Variants in TJP1 observed in about 807,000 individuals in gnomAD.
TJP1 encodes tight junction protein ZO-1.
TJP1 carries 43 observed loss-of-function variants against 194.2 expected under a neutral mutation model. That is an observed-to-expected ratio of 0.22 (90% CI 0.17 to 0.29). TJP1 has a LOEUF of 0.29. TJP1 is among the 10% of genes least tolerant of loss of function. TJP1 has a pLI of 1.00. For synonymous variants in TJP1, 801 were observed against 779.0 expected (o/e 1.03, Z -0.47); for missense variants, 1,971 against 2,185.7 (o/e 0.90, Z 1.96).
chr15:29,760,730 A>C (rs1293876150), intron 8 of TJP1, among the ~76,000 whole-genome samples: 1 of 152,176 alleles, frequency 6.6e-6, no homozygotes, highest in Non-Finnish European at 1.5e-5. Context: ...TGTGTTTATT[A>C]AAGGACTTCT....
chr15:29,800,770 A>G (rs1595939987), intron 1 of TJP1, 68 bp from the exon 2 acceptor site: 2 of 1,489,810 alleles, frequency 1.3e-6, no homozygotes, highest in Non-Finnish European at 1.9e-6. Context: ...GTGAGCAAGA[A>G]CATCCAACAA....
At chr15:29,871,968 A>T in intron 2 of TJP1, among the ~76,000 whole-genome samples, 1 of 152,250 alleles carries the variant, frequency 6.6e-6, no homozygotes, top group East Asian at 1.9e-4. Context: ...AAATACTTCC[A>T]TATTTTCTGA....
chr15:29,876,567 C>T (rs1416742322), intron 2 of TJP1, among the ~76,000 whole-genome samples: 1 of 151,568 alleles, frequency 6.6e-6, no homozygotes, highest in Non-Finnish European at 1.5e-5. Flanking sequence ...TTTAGCTCAT[C>T]AGCTATCATT....
At chr15:29,773,551 TA>T (rs1414896663) in intron 2 of TJP1, among the ~76,000 whole-genome samples, 194 bp from the exon 3 acceptor site, 2 of 152,194 alleles carry the variant, frequency 1.3e-5, no homozygotes, top group African/African-American at 4.8e-5. Context: ...CTACTGGACA[TA>T]ACAGAATATT....
chr15:29,949,610 TTCACCACCACCACCTCCACCTCC>T (rs2055527423), intron 2 of TJP1, among the ~76,000 whole-genome samples: 1 of 22,954 alleles, frequency 4.4e-5, no homozygotes, highest in African/African-American at 1.6e-4. Flanking sequence ...CACCTCCACC[TTCACCACCACCACCTCCACCTCC>T]ACCACCTCCA....
upstream of TJP1, among the ~76,000 whole-genome samples, chr15:29,824,445 AATCATCATCATCATCATC>A (rs34399157): frequency 1.4e-5 from 2 of 145,910 alleles, no homozygotes; most frequent in South Asian, 2.3e-4. Context: ...CTCCGTCTCA[AATCATCATCATCATCATC>A]ATCATCATCA....
intron 8 of TJP1, among the ~76,000 whole-genome samples, chr15:29,745,155 C>T (rs918591548): frequency 5.3e-5 from 8 of 151,804 alleles, no homozygotes; most frequent in African/African-American, 1.7e-4. Flanking sequence ...GAGCAAACAT[C>T]CTATCAAATA....
intron 10 of TJP1, 198 bp downstream of exon 10, chr15:29,741,133 C>CA: frequency 2.3e-6 from 1 of 436,278 alleles, no homozygotes; most frequent in South Asian, 4.9e-5. Context: ...AGAAAGCATC[C>CA]AAAAAGTTCC....
chr15:29,822,378 C>T lies in TJP1; in HGVS notation c.-350G>A. On this transcript the variant is annotated 5_prime_UTR_variant, in exon 1 of 28. Transcript: ENST00000614355. The stretch of plus-strand genomic sequence containing the variant: ...TGGCCTCCCGGCGTCTCCTCGGAAG[C>T]CGGCTTCGCCACGTAACTTCCCGGG... 1 of 1,019,972 alleles carries T rather than the reference C, an allele frequency of 9.8e-7. No homozygotes were observed. The highest frequency in any genetic ancestry group is 1.2e-6 in the Non-Finnish European group (1 of 852,426). 63.2% of individuals were successfully genotyped at this position (1,019,972 alleles called of 1,614,324 possible).
chr15:29,728,666 G>C (rs2043396669), intron 15 of TJP1: 2 of 152,262 alleles, frequency 1.3e-5, no homozygotes, highest in Admixed American at 6.5e-5. Context: ...AACCATCTCA[G>C]AGCACAGCAA....
intron 2 of TJP1, among the ~76,000 whole-genome samples, chr15:29,949,197 GCACCTCCACCACCAC>G (rs1279539669): frequency 1.1e-4 from 5 of 43,598 alleles, no homozygotes; most frequent in South Asian, 8.9e-4. Context: ...TCCACCACCA[GCACCTCCACCACCAC>G]CACCTCCACT....
At chr15:29,793,131 C>T (rs1312192505) in intron 2 of TJP1, among the ~76,000 whole-genome samples, 1 of 152,178 alleles carries the variant, frequency 6.6e-6, no homozygotes, top group Non-Finnish European at 1.5e-5. Flanking sequence ...CTGGCTAGGA[C>T]TTCCAGTACC....
chr15:29,760,047 T>G (rs1472031670), intron 8 of TJP1: 6 of 533,246 alleles, frequency 1.1e-5, no homozygotes, highest in Middle Eastern at 3.2e-4. Flanking sequence ...CTCCATACTG[T>G]TTTCCAGAAT....
chr15:29,899,653 G>A (rs2053578794), intron 2 of TJP1, among the ~76,000 whole-genome samples: 1 of 152,092 alleles, frequency 6.6e-6, no homozygotes, highest in Non-Finnish European at 1.5e-5. Context: ...ATCACTACAG[G>A]TTTGCTTGAA....
intron 13 of TJP1, 30 bp from the exon 14 acceptor site, chr15:29,732,845 G>A: frequency 6.5e-7 from 1 of 1,546,450 alleles, no homozygotes; most frequent in Non-Finnish European, 8.7e-7. Context: ...ATTAAAATAA[G>A]GGCATTTAAA....
At chr15:29,772,004 G>C in intron 4 of TJP1, 60 bp downstream of exon 4, 1 of 1,060,084 alleles carries the variant, frequency 9.4e-7, no homozygotes, top group Non-Finnish European at 1.4e-6. Flanking sequence ...TCAAATACCA[G>C]AAATGTATCA....
At chr15:29,862,008 T>G (rs1208032088) in intron 2 of TJP1, among the ~76,000 whole-genome samples, 1 of 152,150 alleles carries the variant, frequency 6.6e-6, no homozygotes, top group Non-Finnish European at 1.5e-5. Context: ...CCATTTTGAG[T>G]TAATTTTTGT....
chr15:29,752,127 G>A (rs2045329992), intron 8 of TJP1, among the ~76,000 whole-genome samples: 1 of 150,880 alleles, frequency 6.6e-6, no homozygotes, highest in Non-Finnish European at 1.5e-5. Flanking sequence ...CCCCCAGACG[G>A]AGTCTCGCTC....
intron 2 of TJP1, among the ~76,000 whole-genome samples, chr15:29,949,245 T>C (rs796135777): frequency 0.32 from 10,456 of 32,804 alleles, 1,906 homozygotes; most frequent in East Asian, 0.41. Context: ...ACCTCCACCT[T>C]CACCACCACC....
Sources: gnomAD v4.1 joint callset for allele counts (sites outside exome capture counted in the v4.1 genomes callset) on GRCh38, gnomAD v4.1.1 for gene constraint, MANE v1.5 for transcripts, NCBI Gene and HGNC (gene_info 2026-07-23, HGNC 2026-07-21) for gene names.